The following DYNC2H1 variants were observed in gnomAD, a reference collection of about 807,000 sequenced individuals.
The protein encoded by DYNC2H1 is cytoplasmic dynein 2 heavy chain 1.
A neutral mutation model predicts 570.0 loss-of-function variants in DYNC2H1; 410 were observed. The observed-to-expected ratio is 0.72, with a 90% CI of 0.66 to 0.78. DYNC2H1 has a LOEUF of 0.78. DYNC2H1 is among the 30% of genes least tolerant of loss of function. The pLI, the probability that DYNC2H1 is intolerant of heterozygous loss-of-function variation, is 0.00. For synonymous variants in DYNC2H1, 1,688 were observed against 1,677.6 expected (o/e 1.01, Z -0.15); for missense variants, 4,865 against 5,046.4 (o/e 0.96, Z 1.09).
intron 28 of DYNC2H1, among the ~76,000 whole-genome samples, chr11:103,159,532 A>G (rs1860990562): frequency 6.6e-6 from 1 of 152,086 alleles, no homozygotes; most frequent in African/African-American, 2.4e-5. Flanking sequence ...AAATAATAGT[A>G]AGCTATGGGA....
chr11:103,215,878 C>A lies in DYNC2H1; in HGVS notation c.8832+20C>A. 6.2e-7 allele frequency: 1 copy of A among 1,600,066 alleles called. No homozygotes were observed. Among genetic ancestry groups the A allele is most frequent in the South Asian group, 1.1e-5 (1 of 87,976 alleles). On this transcript the variant is annotated intron_variant, in intron 55 of 88. Transcript: ENST00000375735. ...ATGCAGGTAATGTTTAGAGTGACCA[C>A]AAAAATGAAAACAATATGGAGAGCA... is the stretch of plus-strand genomic sequence containing the variant.
chr11:103,127,806 G>A (rs186097969), intron 12 of DYNC2H1, among the ~76,000 whole-genome samples: 2 of 152,220 alleles, frequency 1.3e-5, no homozygotes, highest in East Asian at 3.9e-4. Flanking sequence ...TGTTTGCTTG[G>A]CTCTGTTCTT....
At chr11:103,196,146 G>T (rs997085375) in intron 47 of DYNC2H1, among the ~76,000 whole-genome samples, 1 of 152,106 alleles carries the variant, frequency 6.6e-6, no homozygotes, top group African/African-American at 2.4e-5. Context: ...CAGTGGTGTG[G>T]CACAATCAGG....
In DYNC2H1 at chr11:103,168,820, G is replaced by A. The variant is rs1358825024; in HGVS notation, c.4828G>A (p.Val1610Ile). Residue 1610 changes from valine (V) to isoleucine (I), a missense_variant, in exon 32 of 89, where the codon GTA becomes ATA. Transcript: ENST00000375735. ...ILDIIHNIDV[V>I]KQLNQIQVHT... ...TGACATTATCCATAATATTGATGTGGTAAAGCAGTTAAACCAAATTCAGGT... is the reference window on the plus strand; with the variant it reads ...TGACATTATCCATAATATTGATGTGATAAAGCAGTTAAACCAAATTCAGGT... 6.2e-7 allele frequency: 1 copy of A among 1,613,240 alleles called. No homozygotes were observed. The highest frequency in any genetic ancestry group is 8.5e-7 in the Non-Finnish European group (1 of 1,179,530).
rs1234889619 is a variant in DYNC2H1 at position 103,261,096 on chromosome 11, A to G, written c.10695+1119A>G. ...AATGTATTTTTAGAACAGGATAGTAATTTTTGTGATTTTGTTGAGGATCTT... is the reference window on the plus strand; with the variant it reads ...AATGTATTTTTAGAACAGGATAGTAGTTTTTGTGATTTTGTTGAGGATCTT... On this transcript the variant is annotated intron_variant, in intron 70 of 88. Transcript: ENST00000375735. The surrounding 1 kb of genome is among the most constrained non-coding windows in gnomAD (Gnocchi z 4.8). 6.6e-6 allele frequency among the ~76,000 whole-genome samples: 1 copy of G among 152,094 alleles called. No homozygotes were observed. The highest frequency in any genetic ancestry group is 1.5e-5 in the Non-Finnish European group (1 of 68,014).
intron 18 of DYNC2H1, among the ~76,000 whole-genome samples, chr11:103,144,909 C>T (rs1377656101): frequency 1.3e-5 from 2 of 150,954 alleles, no homozygotes; most frequent in African/African-American, 2.4e-5. Flanking sequence ...GAGACAGAGT[C>T]TTGCTGTGTC....
At chr11:103,380,117 T>C (rs999298878) in intron 83 of DYNC2H1, among the ~76,000 whole-genome samples, 15 of 152,198 alleles carry the variant, frequency 9.9e-5, no homozygotes, top group East Asian at 7.7e-4. Flanking sequence ...TCAATTTTTG[T>C]TGAAAAGTAA....
intron 63 of DYNC2H1, among the ~76,000 whole-genome samples, chr11:103,242,748 T>G (rs1426245113): frequency 6.6e-6 from 1 of 152,056 alleles, no homozygotes; most frequent in Non-Finnish European, 1.5e-5. Context: ...TTTTTTGAGA[T>G]GGAGTCTCTG....
chr11:103,458,142 T>G (rs777015405), intron 87 of DYNC2H1, among the ~76,000 whole-genome samples: 3 of 152,226 alleles, frequency 2.0e-5, no homozygotes, highest in Non-Finnish European at 2.9e-5. Flanking sequence ...TCTTTCAAAC[T>G]CCATTCATGG....
At chr11:103,193,349 G>A (rs935239807) in intron 47 of DYNC2H1, among the ~76,000 whole-genome samples, 3 of 152,118 alleles carry the variant, frequency 2.0e-5, no homozygotes, top group African/African-American at 4.8e-5. Flanking sequence ...AATTGAGTCA[G>A]TAGTGTCTCT....
At position 103,187,518 on chromosome 11, in the gene DYNC2H1, T is replaced by G. The variant is rs750498084; in HGVS notation, c.7072T>G (p.Leu2358Val). Reference sequence around the variant, plus strand: ...AGACTGTGAAAGACTTGTTCTGTACTTAAAAGATATCAACCTACCTAAACT... The same window carrying G: ...AGACTGTGAAAGACTTGTTCTGTACGTAAAAGATATCAACCTACCTAAACT... ...PKDCERLVLY[L>V]KDINLPKLDK... Residue 2358 changes from leucine to valine, a missense_variant, in exon 43 of 89, where the codon TTA becomes GTA. Leu to Val is a conservative substitution (Grantham distance 32). Coordinates refer to ENST00000375735, the MANE Select transcript of DYNC2H1 (RefSeq NM_001377.3). 1 of 1,613,356 alleles carries G rather than the reference T, an allele frequency of 6.2e-7. No homozygotes were observed. Among genetic ancestry groups the G allele is most frequent in the Non-Finnish European group, 8.5e-7 (1 of 1,179,502 alleles).
At chr11:103,328,601 A>C (rs1228840189) in intron 82 of DYNC2H1, among the ~76,000 whole-genome samples, 1 of 152,236 alleles carries the variant, frequency 6.6e-6, no homozygotes, top group African/African-American at 2.4e-5. Context: ...GGCTAATGCC[A>C]AAGTTGTATA....
At chr11:103,176,044 G>GAT (rs1337352767) in intron 36 of DYNC2H1, among the ~76,000 whole-genome samples, 191 bp from the exon 37 acceptor site, 1 of 152,054 alleles carries the variant, frequency 6.6e-6, no homozygotes, top group Non-Finnish European at 1.5e-5. Flanking sequence ...TGTACTTAGT[G>GAT]ATATTTACTT....
intron 72 of DYNC2H1, 61 bp downstream of exon 72, chr11:103,282,290 A>T (rs1034982180): frequency 4.7e-6 from 7 of 1,500,736 alleles, no homozygotes; most frequent in South Asian, 1.2e-5. Flanking sequence ...CTTTTTGTTC[A>T]TGAGGTATAA....
At chr11:103,142,664 A>G (rs1018668853) in intron 17 of DYNC2H1, among the ~76,000 whole-genome samples, 1 of 152,080 alleles carries the variant, frequency 6.6e-6, no homozygotes, top group Admixed American at 6.6e-5. Flanking sequence ...GCGAGACTCC[A>G]TGTCAAGAAA....
intron 18 of DYNC2H1, among the ~76,000 whole-genome samples, chr11:103,146,865 A>G (rs1440031063): frequency 6.6e-6 from 1 of 152,148 alleles, no homozygotes; most frequent in East Asian, 1.9e-4. Context: ...CTGCCTCCCA[A>G]AGTGCTAGGA....
chr11:103,175,722 T>C (rs1861775333), intron 36 of DYNC2H1, among the ~76,000 whole-genome samples: 1 of 152,184 alleles, frequency 6.6e-6, no homozygotes, highest in South Asian at 2.1e-4. Context: ...GGACATAAAC[T>C]GTGAGACGAT....
chr11:103,375,397 A>G (rs1941351700), intron 83 of DYNC2H1, among the ~76,000 whole-genome samples: 2 of 152,166 alleles, frequency 1.3e-5, no homozygotes, highest in Non-Finnish European at 2.9e-5. Context: ...GAGCTGTGAA[A>G]AGAAGGCCAC....
intron 47 of DYNC2H1, among the ~76,000 whole-genome samples, chr11:103,195,681 T>A (rs1271637330): frequency 6.6e-6 from 1 of 152,232 alleles, no homozygotes; most frequent in Admixed American, 6.5e-5. Context: ...TAAACAATGT[T>A]GCTGAGATTC....
Sources: gnomAD v4.1 joint callset for allele counts (sites outside exome capture counted in the v4.1 genomes callset) on GRCh38, gnomAD v4.1.1 for gene constraint, Gnocchi (gnomAD v3.1) non-coding constraint, MANE v1.5 for transcripts, NCBI Gene and HGNC (gene_info 2026-07-23, HGNC 2026-07-21) for gene names.